HIBCH: variants seen among roughly 807,000 people sequenced by gnomAD.
HIBCH encodes the protein 3-hydroxyisobutyryl-CoA hydrolase, mitochondrial.
HIBCH carries 50 observed loss-of-function variants against 58.2 expected under a neutral mutation model. The observed-to-expected ratio is 0.86, with a 90% CI of 0.68 to 1.09. The LOEUF (loss-of-function observed/expected upper bound fraction) is 1.09. HIBCH is among the 50% of genes least tolerant of loss of function. HIBCH has a pLI of 0.00. For missense variants in HIBCH, 450 were observed against 449.7 expected, an observed-to-expected ratio of 1.00 and a Z score of -0.01; for synonymous variants, 151 against 146.9, an observed-to-expected ratio of 1.03 and a Z score of -0.20.
downstream of HIBCH, among the ~76,000 whole-genome samples, chr2:190,203,700 A>T (rs976872312): frequency 2.6e-5 from 4 of 152,148 alleles, no homozygotes; most frequent in African/African-American, 7.2e-5. Context: ...TCTTTATTCC[A>T]GATCTGTTAC....
chr2:190,192,102 T>G (rs898037211), intron 1 of HIBCH, among the ~76,000 whole-genome samples: 1 of 152,216 alleles, frequency 6.6e-6, no homozygotes, highest in Non-Finnish European at 1.5e-5. Context: ...TTTAAAACTA[T>G]GATCCCTTTT....
At chr2:190,196,694 G>C (rs1426854310) in intron 1 of HIBCH, among the ~76,000 whole-genome samples, 1 of 152,040 alleles carries the variant, frequency 6.6e-6, no homozygotes, top group Non-Finnish European at 1.5e-5. Context: ...GATTATTTCT[G>C]TTTGAACTTA....
chr2:190,193,707 G>T (rs1217167384), intron 1 of HIBCH, among the ~76,000 whole-genome samples: 1 of 152,022 alleles, frequency 6.6e-6, no homozygotes, highest in Non-Finnish European at 1.5e-5. Context: ...CTTAATATGT[G>T]ACTTTTCTTG....
At position 190,197,664 on chromosome 2, in the gene HIBCH, C is replaced by T. The variant is rs567950727; in HGVS notation, c.*17+7436G>A. On this transcript the variant is annotated intron_variant, in intron 1 of 1. Transcript: ENST00000399855. This position sits in a 1 kb window ranked among gnomAD's most constrained non-coding sequence, Gnocchi z 4.0. ...AATGACCATCTGTGGGATTTAACATCTTGTGTTTTTCTTCTCTCAGGGATC... is the reference window on the plus strand; with the variant it reads ...AATGACCATCTGTGGGATTTAACATTTTGTGTTTTTCTTCTCTCAGGGATC... 6.6e-6 allele frequency among the ~76,000 whole-genome samples: 1 copy of T among 152,302 alleles called. No homozygotes were observed. Among genetic ancestry groups the T allele is most frequent in the African/African-American group, 2.4e-5 (1 of 41,566 alleles).
At chr2:190,203,589 T>C (rs927109593), downstream of HIBCH, 9 of 153,066 alleles carry the variant, frequency 5.9e-5, no homozygotes, top group Admixed American at 2.0e-4. Context: ...TTAACAAATA[T>C]AGAGAACAAA....
At chr2:190,248,595 C>T (rs1413684506) in intron 9 of HIBCH, among the ~76,000 whole-genome samples, 1 of 152,146 alleles carries the variant, frequency 6.6e-6, no homozygotes, top group East Asian at 1.9e-4. Flanking sequence ...AGGTGCAGTG[C>T]TCATGGCTAT....
intron 11 of HIBCH, among the ~76,000 whole-genome samples, chr2:190,221,251 CAG>C (rs1418454816): frequency 6.6e-6 from 1 of 152,196 alleles, no homozygotes; most frequent in African/African-American, 2.4e-5. Context: ...ACTCTACCGT[CAG>C]AGAGTGCTGG....
intron 1 of HIBCH, among the ~76,000 whole-genome samples, chr2:190,193,112 T>TAACA (rs1376436816): frequency 2.6e-5 from 4 of 152,142 alleles, no homozygotes; most frequent in Non-Finnish European, 5.9e-5. Context: ...CTTTCACCAC[T>TAACA]AACATTACTT....
intron 1 of HIBCH, among the ~76,000 whole-genome samples, chr2:190,316,796 C>T (rs531211643): frequency 4.6e-5 from 7 of 152,298 alleles, no homozygotes; most frequent in African/African-American, 1.7e-4. Context: ...TAAGAAACAA[C>T]TAACTAGAAG....
chr2:190,235,545 T>C (rs1436508905), intron 11 of HIBCH, among the ~76,000 whole-genome samples: 1 of 152,220 alleles, frequency 6.6e-6, no homozygotes. Flanking sequence ...ACATGAGTTC[T>C]TAAAATATGC....
At chr2:190,198,088 A>AAATT (rs1300682173) in intron 1 of HIBCH, among the ~76,000 whole-genome samples, 2 of 152,194 alleles carry the variant, frequency 1.3e-5, no homozygotes, top group Non-Finnish European at 2.9e-5. Context: ...TTCCCTTTTA[A>AAATT]AATTAACATC....
downstream of HIBCH, chr2:190,200,351 TTA>T (rs1690193003): frequency 3.6e-6 from 2 of 554,182 alleles, no homozygotes; most frequent in Non-Finnish European, 6.6e-6. Flanking sequence ...GTCTTAGATT[TTA>T]GTCATCTGAA....
At chr2:190,260,886 T>A (rs1016655496) in intron 7 of HIBCH, among the ~76,000 whole-genome samples, 3 of 152,202 alleles carry the variant, frequency 2.0e-5, no homozygotes, top group Non-Finnish European at 2.9e-5. Context: ...CAAAAATATA[T>A]TCCCTTAATG....
intron 11 of HIBCH, among the ~76,000 whole-genome samples, chr2:190,228,640 T>C (rs571156164): frequency 2.0e-5 from 3 of 152,260 alleles, no homozygotes; most frequent in South Asian, 2.1e-4. Context: ...GAAATGTGTA[T>C]TGATATAATT....
intron 1 of HIBCH, among the ~76,000 whole-genome samples, chr2:190,196,692 C>A (rs1412501094): frequency 1.3e-5 from 2 of 152,060 alleles, no homozygotes; most frequent in Non-Finnish European, 2.9e-5. Flanking sequence ...AGGATTATTT[C>A]TGTTTGAACT....
intron 11 of HIBCH, among the ~76,000 whole-genome samples, chr2:190,218,338 C>T (rs1264390417): frequency 6.6e-6 from 1 of 152,122 alleles, no homozygotes; most frequent in African/African-American, 2.4e-5. Context: ...TGCTACCTAA[C>T]TGTAAAAATT....
At chr2:190,199,694 CAGGT>C, downstream of HIBCH, 1 of 1,432,064 alleles carries the variant, frequency 7.0e-7, no homozygotes, top group Middle Eastern at 2.6e-4. Context: ...CTTCTCTTGA[CAGGT>C]AAACACTACA....
chr2:190,209,984 A>T lies in HIBCH; in HGVS notation c.1012-1071T>A, dbSNP rs1360160975. On this transcript the variant is annotated intron_variant, in intron 12 of 13. Transcript: ENST00000359678. This position sits in a 1 kb window ranked among gnomAD's most constrained non-coding sequence, Gnocchi z 5.6. ...ACTAAGTGTTCAGTAAATATTAACT[A>T]CCATTAGTATCATCAACATAATCTT... is the stretch of plus-strand genomic sequence containing the variant. 6.6e-6 allele frequency among the ~76,000 whole-genome samples: 1 copy of T among 152,216 alleles called. No individual in the cohort carries two copies. Among genetic ancestry groups the T allele is most frequent in the Non-Finnish European group, 1.5e-5 (1 of 68,034 alleles).
Position 190,210,906 on chromosome 2 carries a change from TC to T in HIBCH, c.1012-1994del, listed in dbSNP as rs1690500204. On this transcript the variant is annotated intron_variant, in intron 12 of 13. Transcript: ENST00000359678. The surrounding 1 kb of genome is among the most constrained non-coding windows in gnomAD (Gnocchi z 5.5). ...CTCTGGTCATCCCATCTACAATTCA[TC>T]CCCCTGTTACTCTATATCACATATC... is the stretch of plus-strand genomic sequence containing the variant. 6.6e-6 allele frequency among the ~76,000 whole-genome samples: 1 copy of T among 152,174 alleles called. No individual in the cohort carries two copies. Among genetic ancestry groups the T allele is most frequent in the African/African-American group, 2.4e-5 (1 of 41,426 alleles).
Sources: allele counts gnomAD v4.1 joint callset (sites outside exome capture counted in the v4.1 genomes callset), GRCh38; gene constraint gnomAD v4.1.1; non-coding constraint Gnocchi (gnomAD v3.1); transcripts MANE v1.5; gene names NCBI Gene and HGNC (gene_info 2026-07-23, HGNC 2026-07-21).